Variants in MACROD2 observed in about 807,000 individuals in gnomAD.
MACROD2 encodes the protein mono-ADP ribosylhydrolase 2, also known as ADP-ribose glycohydrolase MACROD2.
Under a neutral mutation model 70.4 loss-of-function variants are expected in MACROD2, and 36 were observed. The observed-to-expected ratio is 0.51, with a 90% CI of 0.39 to 0.68. The LOEUF (loss-of-function observed/expected upper bound fraction) is 0.68. Ranked by LOEUF, MACROD2 falls within the 30% of genes least tolerant of loss-of-function variation. The pLI is 0.00. For missense variants in MACROD2, 496 were observed against 538.4 expected (o/e 0.92, Z 0.78); for synonymous variants, 172 against 178.8 (o/e 0.96, Z 0.30).
intron 15 of MACROD2, among the ~76,000 whole-genome samples, chr20:16,037,637 G>A (rs575449999): frequency 4.3e-4 from 65 of 151,872 alleles, no homozygotes; most frequent in South Asian, 1.9e-3. Flanking sequence ...AAAAGCCAAG[G>A]CTTTTAAGTG....
intron 6 of MACROD2, among the ~76,000 whole-genome samples, chr20:15,233,696 A>G (rs2076979106): frequency 6.6e-6 from 1 of 151,800 alleles, no homozygotes; most frequent in Non-Finnish European, 1.5e-5. Context: ...TTAATCAACA[A>G]ATCAAATGGC....
At chr20:15,617,743 C>A (rs2049058740) in intron 8 of MACROD2, among the ~76,000 whole-genome samples, 1 of 152,140 alleles carries the variant, frequency 6.6e-6, no homozygotes, top group Non-Finnish European at 1.5e-5. Context: ...GGCTTTTGGT[C>A]TCTTACTAGG....
intron 6 of MACROD2, among the ~76,000 whole-genome samples, chr20:15,297,747 CTT>C (rs1568701828): frequency 1.3e-5 from 2 of 152,180 alleles, no homozygotes; most frequent in Non-Finnish European, 2.9e-5. Flanking sequence ...CCCTATATGA[CTT>C]TGACTTCGTC....
At chr20:14,862,702 T>A (rs58345990) in intron 5 of MACROD2, among the ~76,000 whole-genome samples, 11,607 of 31,820 alleles carry the variant, frequency 0.36, 2,898 homozygotes, top group East Asian at 0.66. Context: ...TATATATAAA[T>A]ATATATATAT....
At chr20:14,568,197 A>G (rs1979935893) in intron 4 of MACROD2, among the ~76,000 whole-genome samples, 1 of 152,072 alleles carries the variant, frequency 6.6e-6, no homozygotes, top group Non-Finnish European at 1.5e-5. Flanking sequence ...ATCAAAGAGT[A>G]TTTTGATCAG....
intron 10 of MACROD2, among the ~76,000 whole-genome samples, chr20:15,916,227 AC>A (rs958005635): frequency 3.3e-5 from 5 of 152,062 alleles, no homozygotes; most frequent in Admixed American, 1.3e-4. Flanking sequence ...GCTTTTTCTC[AC>A]TGATTCTTGG....
intron 6 of MACROD2, among the ~76,000 whole-genome samples, chr20:15,330,932 C>A (rs1483099818): frequency 6.6e-6 from 1 of 151,674 alleles, no homozygotes; most frequent in Non-Finnish European, 1.5e-5. Flanking sequence ...CTATCTCTTA[C>A]TTGTGGCTTG....
At chr20:14,885,081 A>C (rs781694275) in intron 5 of MACROD2, among the ~76,000 whole-genome samples, 17 of 152,154 alleles carry the variant, frequency 1.1e-4, no homozygotes, top group Non-Finnish European at 1.9e-4. Flanking sequence ...ACTGATTGAG[A>C]ACTGTCTCAG....
chr20:15,522,639 G>A (rs2047668237), intron 8 of MACROD2, among the ~76,000 whole-genome samples: 1 of 152,140 alleles, frequency 6.6e-6, no homozygotes, highest in African/African-American at 2.4e-5. Flanking sequence ...GTCTTCTCTT[G>A]CCTTATTTAA....
At chr20:15,698,467 T>G (rs956096887) in intron 8 of MACROD2, among the ~76,000 whole-genome samples, 3 of 152,218 alleles carry the variant, frequency 2.0e-5, no homozygotes, top group Admixed American at 1.3e-4. Context: ...AGGTTTTCCT[T>G]CATGGGTTAC....
chr20:14,142,797 A>T (rs1262828754), intron 3 of MACROD2, among the ~76,000 whole-genome samples: 1 of 152,172 alleles, frequency 6.6e-6, no homozygotes, highest in Non-Finnish European at 1.5e-5. Flanking sequence ...AATTTTTCCT[A>T]TAGCCAAATA....
intron 3 of MACROD2, among the ~76,000 whole-genome samples, chr20:14,103,879 G>T (rs11908338): frequency 4.0e-5 from 6 of 151,880 alleles, no homozygotes; most frequent in Non-Finnish European, 7.4e-5. Flanking sequence ...AGCAGGCTGC[G>T]ACAAACATCC....
chr20:15,338,411 T>C (rs1430855525), intron 6 of MACROD2, among the ~76,000 whole-genome samples: 1 of 151,626 alleles, frequency 6.6e-6, no homozygotes, highest in Non-Finnish European at 1.5e-5. Context: ...AGTGCCCTGC[T>C]GCCATAGCGG....
At chr20:15,689,295 A>T (rs1413742796) in intron 8 of MACROD2, among the ~76,000 whole-genome samples, 6 of 151,280 alleles carry the variant, frequency 4.0e-5, no homozygotes, top group African/African-American at 1.2e-4. Context: ...CAAGATTGAG[A>T]TTCCGTCTCA....
At chr20:14,912,734 GA>G (rs891372302) in intron 5 of MACROD2, among the ~76,000 whole-genome samples, 17 of 151,656 alleles carry the variant, frequency 1.1e-4, no homozygotes, top group Admixed American at 2.6e-4. Context: ...TGAGAGAAGG[GA>G]AAAAAAATCA....
chr20:15,993,703 A>G (rs1451632711), intron 15 of MACROD2, among the ~76,000 whole-genome samples: 1 of 152,226 alleles, frequency 6.6e-6, no homozygotes, highest in African/African-American at 2.4e-5. Flanking sequence ...GAATATATCC[A>G]TACAATCACA....
At chr20:14,973,423 A>C (rs2074710241) in intron 5 of MACROD2, among the ~76,000 whole-genome samples, 1 of 151,868 alleles carries the variant, frequency 6.6e-6, no homozygotes, top group African/African-American at 2.4e-5. Flanking sequence ...AGATTTCACC[A>C]TGTTGGCCAG....
chr20:15,307,350 T>C (rs530343272), intron 6 of MACROD2, among the ~76,000 whole-genome samples: 77 of 152,322 alleles, frequency 5.1e-4, no homozygotes, highest in African/African-American at 1.8e-3. Flanking sequence ...TGACGAAGGT[T>C]TTTATTTTGA....
chr20:14,819,260 T>C (rs976183283), intron 5 of MACROD2, among the ~76,000 whole-genome samples: 1 of 151,330 alleles, frequency 6.6e-6, no homozygotes, highest in African/African-American at 2.4e-5. Flanking sequence ...AGCAAGACTC[T>C]GCCTCAAAAA....
Sources: allele counts gnomAD v4.1 joint callset (sites outside exome capture counted in the v4.1 genomes callset), GRCh38; gene constraint gnomAD v4.1.1; transcripts MANE v1.5; gene names NCBI Gene and HGNC (gene_info 2026-07-23, HGNC 2026-07-21).